The following MDGA2 variants were observed in gnomAD, a reference collection of about 807,000 sequenced individuals.
MDGA2 encodes the protein MAM domain-containing glycosylphosphatidylinositol anchor protein 2.
MDGA2 carries 40 observed loss-of-function variants against 117.8 expected under a neutral mutation model. The ratio of observed to expected loss-of-function variants is 0.34; its 90% confidence interval spans 0.26 to 0.44. MDGA2 has a LOEUF of 0.44. MDGA2 is among the 20% of genes least tolerant of loss of function. The pLI is 1.00. For synonymous variants in MDGA2, 452 were observed against 439.0 expected (o/e 1.03, Z -0.37); for missense variants, 1,123 against 1,250.6 (o/e 0.90, Z 1.54).
Position 47,115,805 on chromosome 14 carries a change from T to G in MDGA2, c.925+15909A>C, listed in dbSNP as rs1429586061. On this transcript the variant is annotated intron_variant, in intron 5 of 16. Transcript: ENST00000399232. ...TACCTTATATTAATAAAAGCCTATATGTAACTCCCACAGATAATAACATAT... is the reference window on the plus strand; with the variant it reads ...TACCTTATATTAATAAAAGCCTATAGGTAACTCCCACAGATAATAACATAT... Among the ~76,000 whole-genome samples, 6 of 152,168 alleles carry G rather than the reference T, an allele frequency of 3.9e-5. No homozygotes were observed. The East Asian group carries it at 1.2e-3, about 29-fold the overall frequency.
intron 1 of MDGA2, among the ~76,000 whole-genome samples, chr14:47,497,116 AC>A (rs1894297874): frequency 6.6e-6 from 1 of 152,084 alleles, no homozygotes; most frequent in Non-Finnish European, 1.5e-5. Context: ...CCAGTCTGTG[AC>A]CCTGCGGGTT....
chr14:47,600,497 T>C (rs1007017151), intron 1 of MDGA2, among the ~76,000 whole-genome samples: 1 of 152,106 alleles, frequency 6.6e-6, no homozygotes, highest in African/African-American at 2.4e-5. Flanking sequence ...CTTGACCTAA[T>C]TCTTATTGAA....
At chr14:47,595,617 C>G (rs1463626423) in intron 1 of MDGA2, among the ~76,000 whole-genome samples, 1 of 149,828 alleles carries the variant, frequency 6.7e-6, no homozygotes, top group Non-Finnish European at 1.5e-5. Context: ...TTAGCTGAAT[C>G]GAAGTGAAGG....
chr14:46,955,049 G>A (rs1789533049), intron 9 of MDGA2, among the ~76,000 whole-genome samples: 1 of 151,964 alleles, frequency 6.6e-6, no homozygotes, highest in Non-Finnish European at 1.5e-5. Flanking sequence ...GAAAAAATAA[G>A]CCCAGATATT....
chr14:47,618,125 G>A (rs1896980719), intron 1 of MDGA2, among the ~76,000 whole-genome samples: 1 of 152,126 alleles, frequency 6.6e-6, no homozygotes, highest in African/African-American at 2.4e-5. Flanking sequence ...CCAAAAGGGA[G>A]ACAAGGATAA....
intron 1 of MDGA2, among the ~76,000 whole-genome samples, chr14:47,601,374 A>T (rs1056080907): frequency 6.6e-6 from 1 of 152,156 alleles, no homozygotes; most frequent in Non-Finnish European, 1.5e-5. Flanking sequence ...CAGTCTCTAC[A>T]TCCTAGGTTT....
At chr14:47,217,289 C>G (rs923259500) in intron 3 of MDGA2, among the ~76,000 whole-genome samples, 7 of 151,698 alleles carry the variant, frequency 4.6e-5, no homozygotes, top group African/African-American at 1.7e-4. Flanking sequence ...AATGCAAATT[C>G]TTGTAAAAAC....
chr14:46,938,559 A>AAAAAAAAAAAAAAAAAAAAAG (rs1566535268), intron 9 of MDGA2, among the ~76,000 whole-genome samples: 2 of 148,940 alleles, frequency 1.3e-5, no homozygotes, highest in African/African-American at 2.4e-5. Context: ...AAAAAAAAAA[A>AAAAAAAAAAAAAAAAAAAAAG]AGAGACATCA....
intron 1 of MDGA2, among the ~76,000 whole-genome samples, chr14:47,563,459 C>G (rs2138804929): frequency 6.6e-6 from 1 of 151,674 alleles, no homozygotes; most frequent in Non-Finnish European, 1.5e-5. Context: ...TTAGTTAGGT[C>G]TTCCTGTTGA....
In MDGA2 at chr14:47,253,662, G is replaced by A. The variant is rs148701382; in HGVS notation, c.421-35467C>T. Among the ~76,000 whole-genome samples, 7 of 152,242 alleles carry A rather than the reference G, an allele frequency of 4.6e-5. 1 individual carries two copies. Among genetic ancestry groups the A allele is most frequent in the African/African-American group, 7.2e-5 (3 of 41,562 alleles). On this transcript the variant is annotated intron_variant, in intron 2 of 16. Transcript: ENST00000399232. Reference sequence around the variant, plus strand: ...GTGGCTGTGGCTTTTCCAGAAGCACGGTGCAAGCTGTTGGTGAATCTACCA... The same window carrying A: ...GTGGCTGTGGCTTTTCCAGAAGCACAGTGCAAGCTGTTGGTGAATCTACCA...
At chr14:47,668,960 T>A (rs1898026464) in intron 1 of MDGA2, among the ~76,000 whole-genome samples, 1 of 152,128 alleles carries the variant, frequency 6.6e-6, no homozygotes, top group East Asian at 1.9e-4. Context: ...AGCATGAGGA[T>A]CAAATCAGAG....
rs567068945 is a variant in MDGA2 at position 47,644,685 on chromosome 14, G to GA, written c.280+29831dup. ...GTTAACAATATTGTACTGTAAATTT[G>GA]AAAAAAAAAACTAGGAGAGGATTTT... On this transcript the variant is annotated intron_variant, in intron 1 of 16. Coordinates refer to ENST00000399232, the MANE Select transcript of MDGA2 (RefSeq NM_001113498.3). Among the ~76,000 whole-genome samples the GA allele has an allele frequency of 7.0e-3, 1,014 of 145,196 alleles. 9 individuals are homozygous for GA. Among genetic ancestry groups the GA allele is most frequent in the African/African-American group, 0.024 (934 of 39,658 alleles).
chr14:47,008,058 A>G (rs1887771011), intron 8 of MDGA2, among the ~76,000 whole-genome samples: 1 of 151,846 alleles, frequency 6.6e-6, no homozygotes, highest in Non-Finnish European at 1.5e-5. Flanking sequence ...CTAAGCATCA[A>G]ATGGTAACCA....
intron 1 of MDGA2, among the ~76,000 whole-genome samples, chr14:47,342,475 A>C (rs1375878626): frequency 1.3e-5 from 2 of 152,022 alleles, no homozygotes; most frequent in Non-Finnish European, 2.9e-5. Context: ...CTTATTTCAC[A>C]ACCCACGTTC....
At chr14:47,456,379 G>A (rs1893354379) in intron 1 of MDGA2, among the ~76,000 whole-genome samples, 1 of 147,550 alleles carries the variant, frequency 6.8e-6, no homozygotes, top group African/African-American at 2.5e-5. Context: ...CGCAACCTCT[G>A]CCTCCTGGGT....
intron 1 of MDGA2, among the ~76,000 whole-genome samples, chr14:47,499,308 T>G (rs988981356): frequency 3.3e-5 from 5 of 152,166 alleles, no homozygotes. Context: ...GGATTTGCTA[T>G]AAAGGTGAGC....
At chr14:47,403,643 T>C (rs973669985) in intron 1 of MDGA2, among the ~76,000 whole-genome samples, 1 of 152,168 alleles carries the variant, frequency 6.6e-6, no homozygotes, top group Non-Finnish European at 1.5e-5. Flanking sequence ...CTGTTTGTCA[T>C]CATTTCCATG....
chr14:47,288,836 C>T (rs1009182153), intron 2 of MDGA2, among the ~76,000 whole-genome samples: 2 of 152,140 alleles, frequency 1.3e-5, no homozygotes, highest in African/African-American at 2.4e-5. Flanking sequence ...TTTATAGGCA[C>T]TTTCCTTGTG....
intron 5 of MDGA2, among the ~76,000 whole-genome samples, chr14:47,103,977 C>G (rs1255598016): frequency 1.3e-5 from 2 of 152,172 alleles, no homozygotes; most frequent in African/African-American, 4.8e-5. Flanking sequence ...AAGTTTACAA[C>G]TTAACAAGAA....
Sources: allele counts gnomAD v4.1 joint callset (sites outside exome capture counted in the v4.1 genomes callset), GRCh38; gene constraint gnomAD v4.1.1; transcripts MANE v1.5; gene names NCBI Gene and HGNC (gene_info 2026-07-23, HGNC 2026-07-21).